The following GREB1L variants were observed in gnomAD, a reference collection of about 807,000 sequenced individuals.
GREB1L encodes GREB1-like protein.
GREB1L carries 17 observed loss-of-function variants against 200.8 expected under a neutral mutation model. The ratio of observed to expected loss-of-function variants is 0.08; its 90% confidence interval spans 0.06 to 0.13. GREB1L has a LOEUF of 0.13. Among genes scored for constraint, GREB1L ranks in the 10% least tolerant of loss-of-function variants. GREB1L has a pLI of 1.00. For missense variants in GREB1L, 1,657 were observed against 2,367.7 expected (o/e 0.70, Z 6.23); for synonymous variants, 789 against 893.0 (o/e 0.88, Z 2.08).
chr18:21,243,139 T>G (rs1039893355), intron 1 of GREB1L, among the ~76,000 whole-genome samples: 1 of 151,136 alleles, frequency 6.6e-6, no homozygotes, highest in African/African-American at 2.4e-5. Context: ...AGACAGCGAG[T>G]GAGGTGCGCC....
At chr18:21,426,991 A>AC (rs1568000402) in intron 7 of GREB1L, among the ~76,000 whole-genome samples, 2 of 136,630 alleles carry the variant, frequency 1.5e-5, no homozygotes, top group East Asian at 2.4e-4. Flanking sequence ...AAAAAAACAA[A>AC]AAAAAAAAAC....
At chr18:21,423,990 G>T (rs1381710891) in intron 7 of GREB1L, among the ~76,000 whole-genome samples, 1 of 152,160 alleles carries the variant, frequency 6.6e-6, no homozygotes, top group African/African-American at 2.4e-5. Flanking sequence ...GAGCTTTGTG[G>T]CCTTGGAGAA....
intron 7 of GREB1L, among the ~76,000 whole-genome samples, chr18:21,438,960 CA>C (rs59125788): frequency 0.015 from 974 of 64,664 alleles, 5 homozygotes; most frequent in African/African-American, 0.037. Flanking sequence ...GACTCTGTCT[CA>C]AAAAAAAAAA....
intron 5 of GREB1L, among the ~76,000 whole-genome samples, chr18:21,399,194 T>C (rs565046481): frequency 2.7e-4 from 41 of 152,326 alleles, no homozygotes; most frequent in Middle Eastern, 3.4e-3. Context: ...AGCCTCATGT[T>C]TTGGCACTGT....
Position 21,523,140 on chromosome 18 carries a change from C to T in GREB1L, c.*319C>T, listed in dbSNP as rs2037631738. On this transcript the variant is annotated 3_prime_UTR_variant, in exon 33 of 33. Transcript: ENST00000424526. ...AATATGGAGTTTGCATTATTTTTTT[C>T]TATTACTATGTTAGGGGGAAACTGA... 1 of 183,738 alleles carries T rather than the reference C, an allele frequency of 5.4e-6. No homozygotes were observed. The highest frequency in any genetic ancestry group is 6.1e-5 in the Admixed American group (1 of 16,268). The allele number at this position is 183,738 out of a possible 1,614,324, so 11.4% of individuals were successfully genotyped here.
chr18:21,423,849 C>T (rs2032356299), intron 7 of GREB1L, among the ~76,000 whole-genome samples: 1 of 152,144 alleles, frequency 6.6e-6, no homozygotes, highest in Non-Finnish European at 1.5e-5. Flanking sequence ...CAGAGTGAGA[C>T]TCCATCTCAA....
rs1262868714 is a variant in GREB1L, at chr18:21,444,405, G to T, written c.1389G>T (p.Arg463=). The change falls in exon 11 of 33, where the codon CGG becomes CGT. Residue 463 remains arginine (R), a synonymous_variant. Coordinates refer to ENST00000424526, the MANE Select transcript of GREB1L (RefSeq NM_001142966.3). ...TTCTGACGATACAGTATCTTGTGCG[G>T]CTGGGTAAGTCATTTTCCATAATCA... ...MILLTIQYLV[R]LGPDQVPLRE... is the part of the protein sequence containing the mutation. 1 of 1,550,664 alleles carries T rather than the reference G, an allele frequency of 6.4e-7. No individual in the cohort carries two copies. The highest frequency in any genetic ancestry group is 2.0e-5 in the Admixed American group (1 of 50,824).
At chr18:21,491,909 C>T (rs1003277992) in intron 19 of GREB1L, among the ~76,000 whole-genome samples, 12 of 151,932 alleles carry the variant, frequency 7.9e-5, no homozygotes, top group African/African-American at 2.7e-4. Context: ...TATAGATACA[C>T]GTTCACAATT....
At chr18:21,360,833 A>G (rs1038460577) in intron 1 of GREB1L, among the ~76,000 whole-genome samples, 1 of 152,250 alleles carries the variant, frequency 6.6e-6, no homozygotes, top group Non-Finnish European at 1.5e-5. Context: ...GCCTAATGAT[A>G]AAATATCCTC....
intron 21 of GREB1L, among the ~76,000 whole-genome samples, chr18:21,498,414 C>G (rs1434507054): frequency 6.6e-6 from 1 of 152,134 alleles, no homozygotes. Context: ...CCCCAGTTTT[C>G]TCTCTGAGAG....
At chr18:21,423,070 ACAG>A (rs2032285186) in intron 7 of GREB1L, among the ~76,000 whole-genome samples, 2 of 152,228 alleles carry the variant, frequency 1.3e-5, no homozygotes, top group East Asian at 3.9e-4. Flanking sequence ...AGCTGGGATT[ACAG>A]GCAGGTGCCA....
At chr18:21,249,935 A>T in intron 1 of GREB1L, among the ~76,000 whole-genome samples, 1 of 152,166 alleles carries the variant, frequency 6.6e-6, no homozygotes, top group East Asian at 1.9e-4. Flanking sequence ...ATTGAGGAAA[A>T]TATGATGTTT....
chr18:21,476,555 T>G (rs1338414606), intron 16 of GREB1L, among the ~76,000 whole-genome samples: 2 of 151,982 alleles, frequency 1.3e-5, no homozygotes, highest in Non-Finnish European at 2.9e-5. Flanking sequence ...AATTTAATTT[T>G]TTGTTGTTGT....
intron 2 of GREB1L, among the ~76,000 whole-genome samples, chr18:21,383,069 C>A (rs1347051697): frequency 6.6e-6 from 1 of 151,860 alleles, no homozygotes; most frequent in Non-Finnish European, 1.5e-5. Flanking sequence ...AGCCTTTTTC[C>A]CCCATCTAGA....
chr18:21,474,128 T>C (rs1454395196), intron 16 of GREB1L, among the ~76,000 whole-genome samples: 1 of 152,092 alleles, frequency 6.6e-6, no homozygotes, highest in Non-Finnish European at 1.5e-5. Flanking sequence ...AAATCTCATA[T>C]CTTCACATTT....
chr18:21,453,229 T>C (rs77636466), intron 14 of GREB1L, among the ~76,000 whole-genome samples: 3,196 of 152,334 alleles, frequency 0.021, 54 homozygotes, highest in Non-Finnish European at 0.034. Context: ...TTTTGATTAG[T>C]AGTCTGTGGT....
At chr18:21,338,052 A>G (rs2039214810) in intron 1 of GREB1L, among the ~76,000 whole-genome samples, 1 of 152,204 alleles carries the variant, frequency 6.6e-6, no homozygotes, top group East Asian at 1.9e-4. Flanking sequence ...ATCCTTACAA[A>G]TAAGCATCCC....
At chr18:21,413,683 T>C (rs1046201917) in intron 7 of GREB1L, among the ~76,000 whole-genome samples, 1 of 152,100 alleles carries the variant, frequency 6.6e-6, no homozygotes, top group Non-Finnish European at 1.5e-5. Flanking sequence ...CAATAAATAT[T>C]TGATGAACTC....
intron 11 of GREB1L, 47 bp downstream of exon 11, chr18:21,444,456 T>A (rs1211365247): frequency 2.8e-6 from 4 of 1,426,390 alleles, no homozygotes; most frequent in Non-Finnish European, 3.8e-6. Context: ...TTTTGAGGAT[T>A]TTTTGTGATG....
Sources: allele counts gnomAD v4.1 joint callset (sites outside exome capture counted in the v4.1 genomes callset), GRCh38; gene constraint gnomAD v4.1.1; transcripts MANE v1.5; gene names NCBI Gene and HGNC (gene_info 2026-07-23, HGNC 2026-07-21).